Variants in KDM3B observed in about 807,000 individuals in gnomAD.
KDM3B encodes the protein lysine-specific demethylase 3B.
In KDM3B, 10 loss-of-function variants were observed where a neutral mutation model predicts 170.0. That is an observed-to-expected ratio of 0.06 (90% CI 0.04 to 0.10). The LOEUF is 0.10. Among genes scored for constraint, KDM3B ranks in the 10% least tolerant of loss-of-function variants. KDM3B has a pLI of 1.00. For missense variants in KDM3B, 1,394 were observed against 2,195.2 expected (o/e 0.64, Z 7.29); for synonymous variants, 831 against 834.8 (o/e 1.00, Z 0.08).
chr5:138,386,184 G>C lies in KDM3B; in HGVS notation c.943G>C (p.Asp315His), dbSNP rs145133800. 3 of 1,614,180 alleles carry C rather than the reference G, an allele frequency of 1.9e-6. No homozygotes were observed. Among genetic ancestry groups the C allele is most frequent in the Non-Finnish European group, 2.5e-6 (3 of 1,180,030 alleles). Residue 315 changes from aspartate to histidine, a missense_variant, in exon 7 of 24, where the codon GAT becomes CAT. Physicochemically the swap from Asp to His is moderately conservative, Grantham distance 81 (BLOSUM62 -1). This residue lies in a region of KDM3B where 205 missense variants were observed against 227.6 expected (regional missense o/e 0.90). Transcript: ENST00000314358. ...GGGTGAAGTAGACAGTAATGGGAGC[G>C]ATGGAGGTGAGGCAAGCCGAGGGCC... ...DRGEVDSNGS[D>H]GGEASRGPWK...
chr5:138,359,454 G>GC (rs532311604), intron 1 of KDM3B, among the ~76,000 whole-genome samples: 211 of 145,444 alleles, frequency 1.5e-3, no homozygotes, highest in South Asian at 7.9e-3. Context: ...GAGCCACCGT[G>GC]CCCCCCCCAC....
rs758888078 is a variant in KDM3B, at chr5:138,430,428, G to A, written c.5070+3G>A. On this transcript the variant is annotated splice_donor_region_variant and intron_variant, in intron 22 of 23. Coordinates refer to ENST00000314358, the MANE Select transcript of KDM3B (RefSeq NM_016604.4). ...TACCTGCTGGAGCCCCACACCAGGT[G>A]GGTTCCTGCTTGGGGGTTGGGCTGA... The A allele has an allele frequency of 1.2e-6, 2 of 1,612,658 alleles. No homozygotes were observed. The highest frequency in any genetic ancestry group is 2.7e-5 in the African/African-American group (2 of 74,876).
rs1180676037 is a variant in KDM3B, at chr5:138,393,304, G to C, written c.2763G>C (p.Arg921=). The change falls in exon 9 of 24, where the codon CGG becomes CGC. Residue 921 remains arginine (R), a synonymous_variant. Coordinates refer to ENST00000314358, the MANE Select transcript of KDM3B (RefSeq NM_016604.4). ...AGTGTCGTGAATGCCGCCTGGAGCG[G>C]TACCGGAAGTTTAAGGAACAGGAGC... ...LHKCRECRLE[R]YRKFKEQEQD... The C allele has an allele frequency of 2.5e-6, 4 of 1,614,208 alleles. No homozygotes were observed. Among genetic ancestry groups the C allele is most frequent in the Non-Finnish European group, 3.4e-6 (4 of 1,180,030 alleles).
At chr5:138,407,230 C>G (rs1449827449) in intron 11 of KDM3B, among the ~76,000 whole-genome samples, 5 of 152,076 alleles carry the variant, frequency 3.3e-5, no homozygotes, top group Non-Finnish European at 7.4e-5. Flanking sequence ...AGGTGACCTG[C>G]CTGCCTCAGC....
rs576395813 is a variant in KDM3B, at chr5:138,423,003, G to A, written c.3973-1072G>A. ...TGCCCAAGCTGGAGTGCAGTGGCAC[G>A]ATCTCAGCTCACTGCAGCCTCCACT... On this transcript the variant is annotated intron_variant, in intron 15 of 23. Transcript: ENST00000314358. 3.1e-4 allele frequency among the ~76,000 whole-genome samples: 47 copies of A among 152,154 alleles called. 1 individual carries two copies. Among genetic ancestry groups the A allele is most frequent in the Non-Finnish European group, 2.1e-4 (14 of 68,004 alleles).
At chr5:138,353,267 G>T (rs1761374448) in intron 1 of KDM3B, among the ~76,000 whole-genome samples, 1 of 152,232 alleles carries the variant, frequency 6.6e-6, no homozygotes, top group Non-Finnish European at 1.5e-5. Flanking sequence ...CCTTTTCTCG[G>T]CGTTCCCCCC....
intron 12 of KDM3B, among the ~76,000 whole-genome samples, chr5:138,415,889 A>C (rs1002589750): frequency 6.6e-6 from 1 of 152,168 alleles, no homozygotes; most frequent in Non-Finnish European, 1.5e-5. Flanking sequence ...TGAAAAAGCC[A>C]GTGCCTAGGC....
intron 1 of KDM3B, among the ~76,000 whole-genome samples, chr5:138,357,285 C>T (rs1761475156): frequency 6.6e-6 from 1 of 151,904 alleles, no homozygotes; most frequent in East Asian, 1.9e-4. Context: ...TGTGCCTGGC[C>T]TGACTTTTCT....
chr5:138,407,850 T>C (rs374524320), intron 11 of KDM3B, among the ~76,000 whole-genome samples: 17 of 152,120 alleles, frequency 1.1e-4, no homozygotes, highest in African/African-American at 4.1e-4. Context: ...CAGCCCCTAA[T>C]AGTAGTTAGG....
intron 11 of KDM3B, among the ~76,000 whole-genome samples, chr5:138,403,601 C>T (rs562184585): frequency 3.0e-4 from 45 of 150,860 alleles, no homozygotes; most frequent in African/African-American, 1.0e-3. Context: ...CACTTGAACC[C>T]GGGAGGCAGA....
At position 138,392,122 on chromosome 5, in the gene KDM3B, T is replaced by G; in HGVS notation, c.2490T>G (p.Ala830=). The change falls in exon 8 of 24, where the codon GCT becomes GCG. Residue 830 remains alanine, a synonymous_variant. Coordinates refer to ENST00000314358, the MANE Select transcript of KDM3B (RefSeq NM_016604.4). ...GTGACTCTGAGGAGCAGCTGCAGGCTAAGACAGGCCTGAAGGGAATTCCAG... is the reference window on the plus strand; with the variant it reads ...GTGACTCTGAGGAGCAGCTGCAGGCGAAGACAGGCCTGAAGGGAATTCCAG... ...DLSDSEEQLQ[A]KTGLKGIPEH... is the part of the protein sequence containing the mutation. The G allele has an allele frequency of 6.2e-7, 1 of 1,602,594 alleles. No homozygotes were observed. Among genetic ancestry groups the G allele is most frequent in the South Asian group, 1.1e-5 (1 of 90,748 alleles).
rs138966363 is a variant in KDM3B, at chr5:138,375,168, C to T, written c.436C>T (p.Arg146Trp). The T allele has an allele frequency of 1.2e-6, 2 of 1,613,656 alleles. No individual in the cohort carries two copies. The highest frequency in any genetic ancestry group is 8.5e-7 in the Non-Finnish European group (1 of 1,179,714). Residue 146 changes from arginine (R) to tryptophan (W), a missense_variant, in exon 3 of 24, where the codon CGG becomes TGG. Arg to Trp is a moderately radical substitution (Grantham distance 101). This residue lies in a region of KDM3B where 166 missense variants were observed against 216.4 expected (regional missense o/e 0.77). Coordinates refer to ENST00000314358, the MANE Select transcript of KDM3B (RefSeq NM_016604.4). Reference sequence around the variant, plus strand: ...GGAATATCTTCTGGATCGAGAGCTTCGGTTCCTGTCAGATGCCAATGGGTT... The same window carrying T: ...GGAATATCTTCTGGATCGAGAGCTTTGGTTCCTGTCAGATGCCAATGGGTT... ...PVEYLLDRELRFLSDANGLHL... is the reference protein window; with the variant it reads ...PVEYLLDRELWFLSDANGLHL...
rs1410837347 is a variant in KDM3B, at chr5:138,377,747, C to A, written c.502C>A (p.Leu168Ile). ...QMGTDSQNQILLEHAALRETV... is the reference protein window; with the variant it reads ...QMGTDSQNQIILEHAALRETV... The stretch of plus-strand genomic sequence containing the variant: ...GGGAACAGATAGCCAAAACCAGATT[C>A]TTTTGGAACATGCTGCACTGAGAGA... The change falls in exon 4 of 24, where the codon CTT (leucine) becomes ATT (isoleucine). Residue 168 changes from leucine (L) to isoleucine (I), a missense_variant. By Grantham distance (5) the Leu-to-Ile change is conservative. Transcript: ENST00000314358. 1.2e-6 allele frequency: 2 copies of A among 1,613,528 alleles called. No individual in the cohort carries two copies. Among genetic ancestry groups the A allele is most frequent in the Non-Finnish European group, 1.7e-6 (2 of 1,179,706 alleles).
At chr5:138,398,891 T>TC (rs1306783967) in intron 10 of KDM3B, among the ~76,000 whole-genome samples, 41 of 147,602 alleles carry the variant, frequency 2.8e-4, no homozygotes, top group Admixed American at 1.5e-3. Flanking sequence ...AAATTTCTTT[T>TC]TTTTTTTTTT....
chr5:138,373,007 C>T (rs776221164), intron 2 of KDM3B, among the ~76,000 whole-genome samples, 166 bp downstream of exon 2: 32 of 152,116 alleles, frequency 2.1e-4, no homozygotes, highest in Non-Finnish European at 4.1e-4. Context: ...TCTCCTTTGT[C>T]CTCCAAAATG....
At chr5:138,397,346 AAAAAAT>A (rs983671478) in intron 9 of KDM3B, among the ~76,000 whole-genome samples, 31 of 151,954 alleles carry the variant, frequency 2.0e-4, no homozygotes, top group African/African-American at 7.5e-4. Context: ...AAAAAAAACT[AAAAAAT>A]AAAAAATTAT....
At chr5:138,432,530 G>A (rs937638143) in intron 23 of KDM3B, among the ~76,000 whole-genome samples, 6 of 152,086 alleles carry the variant, frequency 3.9e-5, no homozygotes, top group East Asian at 3.9e-4. Context: ...TTAGCTGGGC[G>A]TGGTGGCACA....
At chr5:138,383,871 A>C (rs1228550703) in intron 6 of KDM3B, among the ~76,000 whole-genome samples, 1 of 151,630 alleles carries the variant, frequency 6.6e-6, no homozygotes, top group Non-Finnish European at 1.5e-5. Context: ...AATCGCTTGA[A>C]CACAGGAGGC....
Position 138,393,347 on chromosome 5 carries a change from G to T in KDM3B, c.2806G>T (p.Ala936Ser), listed in dbSNP as rs778593766. 9.3e-6 allele frequency: 15 copies of T among 1,613,906 alleles called. No homozygotes were observed. The highest frequency in any genetic ancestry group is 1.7e-5 in the Admixed American group (1 of 59,996). The change falls in exon 9 of 24, where the codon GCC becomes TCC. Residue 936 changes from alanine to serine, a missense_variant. Around this residue, in one of 19 missense-constraint regions of KDM3B, gnomAD observed 76 missense variants for 190.2 expected, o/e 0.40. Coordinates refer to ENST00000314358, the MANE Select transcript of KDM3B (RefSeq NM_016604.4). ...ACAGGAGCAAGATGATTCTACTGTA[G>T]CCTGCCGTTTCTTTCACTTCCGGAG... ...KEQEQDDSTV[A>S]CRFFHFRRLI...
Sources: allele counts gnomAD v4.1 joint callset (sites outside exome capture counted in the v4.1 genomes callset), GRCh38; gene constraint gnomAD v4.1.1; regional missense constraint gnomAD v4.1.1; transcripts MANE v1.5; gene names NCBI Gene and HGNC (gene_info 2026-07-23, HGNC 2026-07-21).